ADAT2: variants seen among roughly 807,000 people sequenced by gnomAD.
ADAT2 encodes the protein tRNA-specific adenosine-34 deaminase catalytic subunit ADAT2.
A neutral mutation model predicts 25.9 loss-of-function variants in ADAT2; 26 were observed. That is an observed-to-expected ratio of 1.00 (90% CI 0.74 to 1.39). The LOEUF (loss-of-function observed/expected upper bound fraction) is 1.39, where lower values mean the gene tolerates loss of function less well. Ranked by LOEUF, ADAT2 falls within the 40% of genes most tolerant of loss-of-function variation. The pLI is 0.00. For synonymous variants in ADAT2, 76 were observed against 86.8 expected, an observed-to-expected ratio of 0.88 and a Z score of 0.69; for missense variants, 220 against 244.8, an observed-to-expected ratio of 0.90 and a Z score of 0.68.
At chr6:143,448,010 A>G (rs1285661059) in intron 1 of ADAT2, among the ~76,000 whole-genome samples, 6 of 152,228 alleles carry the variant, frequency 3.9e-5, no homozygotes, top group Non-Finnish European at 8.8e-5. Flanking sequence ...ATGTCCATCA[A>G]TTATAGACTG....
rs1360264162 is a variant in ADAT2 at position 143,427,338 on chromosome 6, T to C, written c.*1125A>G. ...AATGAATCTACTGAAGAAATGCAAC[T>C]GAGGAGCAGCAGCCCCTCCAGGGCC... is the stretch of plus-strand genomic sequence containing the variant. On this transcript the variant is annotated 3_prime_UTR_variant, in exon 6 of 6. Transcript: ENST00000237283. 1 of 152,590 alleles carries C rather than the reference T, an allele frequency of 6.6e-6. No homozygotes were observed. Among genetic ancestry groups the C allele is most frequent in the Admixed American group, 6.5e-5 (1 of 15,280 alleles). The allele number at this position is 152,590 out of a possible 1,614,324, so 9.5% of individuals were successfully genotyped here.
At chr6:143,447,912 T>G (rs1236449115) in intron 1 of ADAT2, among the ~76,000 whole-genome samples, 1 of 152,158 alleles carries the variant, frequency 6.6e-6, no homozygotes, top group Non-Finnish European at 1.5e-5. Flanking sequence ...ACCCAAAGGA[T>G]TATAAATCAT....
rs1448195990 is a variant in ADAT2, at chr6:143,437,365, TAA to T, written c.201+1223_201+1224del. The stretch of plus-strand genomic sequence containing the variant: ...AATTGCTTTTTTCTTCTGTTAAAGT[TAA>T]GTTAGATCATCTTCATGTAGCCTTA... On this transcript the variant is annotated intron_variant, in intron 2 of 5. Transcript: ENST00000237283. The surrounding 1 kb of genome is among the most constrained non-coding windows in gnomAD (Gnocchi z 4.1). Among the ~76,000 whole-genome samples, 2 of 152,220 alleles carry T rather than the reference TAA, an allele frequency of 1.3e-5. No individual in the cohort carries two copies. Among genetic ancestry groups the T allele is most frequent in the African/African-American group, 4.8e-5 (2 of 41,478 alleles).
At chr6:143,429,464 T>TATC (rs138275915) in intron 4 of ADAT2, among the ~76,000 whole-genome samples, 42,522 of 151,964 alleles carry the variant, frequency 0.28, 6,169 homozygotes, top group Admixed American at 0.32. Flanking sequence ...TAAGGAGTGT[T>TATC]ATATGAAATA....
rs926723473 is a variant in ADAT2, at chr6:143,434,054, T to G, written c.202-73A>C. ...TACTATTTTACAAATATACAAAAACTAAGTACAAAATATGCGCCTATCCTT... is the reference window on the plus strand; with the variant it reads ...TACTATTTTACAAATATACAAAAACGAAGTACAAAATATGCGCCTATCCTT... On this transcript the variant is annotated intron_variant, in intron 2 of 5. Coordinates refer to ENST00000237283, the MANE Select transcript of ADAT2 (RefSeq NM_182503.3). The surrounding 1 kb of genome is among the most constrained non-coding windows in gnomAD (Gnocchi z 4.5). The G allele has an allele frequency of 2.5e-6, 4 of 1,571,286 alleles. No individual in the cohort carries two copies. In the Admixed American group the frequency reaches 6.9e-5, roughly 27 times the overall value.
In ADAT2 at chr6:143,432,761, C is replaced by G. The variant is rs149054173; in HGVS notation, c.353-150G>C. ...CTTAGGATTCGTCTTATAAACCATACAATCCAGCTACACAGAAGAAAAGGG... is the reference window on the plus strand; with the variant it reads ...CTTAGGATTCGTCTTATAAACCATAGAATCCAGCTACACAGAAGAAAAGGG... On this transcript the variant is annotated intron_variant, in intron 3 of 5. Transcript: ENST00000237283. The surrounding 1 kb of genome is among the most constrained non-coding windows in gnomAD (Gnocchi z 4.4). 1 of 716,152 alleles carries G rather than the reference C, an allele frequency of 1.4e-6. No individual in the cohort carries two copies. Among genetic ancestry groups the G allele is most frequent in the Non-Finnish European group, 2.4e-6 (1 of 420,288 alleles). The allele number at this position is 716,152 out of a possible 1,614,324, so 44.4% of individuals were successfully genotyped here. A position where few individuals can be genotyped will look rare whatever the true frequency, so the allele number is the denominator to read the frequency against.
At chr6:143,435,349 A>G (rs1779240959) in intron 2 of ADAT2, among the ~76,000 whole-genome samples, 1 of 152,038 alleles carries the variant, frequency 6.6e-6, no homozygotes, top group Non-Finnish European at 1.5e-5. Context: ...TACAGCTGGG[A>G]GAGGAGGTGG....
In ADAT2 at chr6:143,427,239, T is replaced by C. The variant is rs536967029; in HGVS notation, c.*1224A>G. On this transcript the variant is annotated 3_prime_UTR_variant, in exon 6 of 6. Transcript: ENST00000237283. ...CACAATTACATTCCAGCCTGTAATG[T>C]AATTCAAAACAAACAAGTCAGAGAC... 1.3e-5 allele frequency: 2 copies of C among 152,638 alleles called. No homozygotes were observed. The highest frequency in any genetic ancestry group is 4.8e-5 in the African/African-American group (2 of 41,440). The allele number at this position is 152,638 out of a possible 1,614,324, so 9.5% of individuals were successfully genotyped here. A position where few individuals can be genotyped will look rare whatever the true frequency, so the allele number is the denominator to read the frequency against.
At chr6:143,431,055 T>A (rs879073431) in intron 4 of ADAT2, among the ~76,000 whole-genome samples, 23 of 151,162 alleles carry the variant, frequency 1.5e-4, no homozygotes, top group Admixed American at 1.3e-3. Context: ...CCCAGACGAA[T>A]TAAAAAAAAA....
At position 143,442,492 on chromosome 6, in the gene ADAT2, C is replaced by G. The variant is rs1779491536; in HGVS notation, c.97-3798G>C. On this transcript the variant is annotated intron_variant, in intron 1 of 5. Coordinates refer to ENST00000237283, the MANE Select transcript of ADAT2 (RefSeq NM_182503.3). This position sits in a 1 kb window ranked among gnomAD's most constrained non-coding sequence, Gnocchi z 4.6. ...AGGCACGCATACACACACACACACA[C>G]ACACACACACACACACACGTACAAA... Among the ~76,000 whole-genome samples, 1 of 151,734 alleles carries G rather than the reference C, an allele frequency of 6.6e-6. No individual in the cohort carries two copies. The highest frequency in any genetic ancestry group is 2.1e-4 in the South Asian group (1 of 4,816).
rs927033254 is a variant in ADAT2, at chr6:143,432,296, T to C, written c.459+209A>G. Among the ~76,000 whole-genome samples, 7 of 152,118 alleles carry C rather than the reference T, an allele frequency of 4.6e-5. No individual in the cohort carries two copies. The highest frequency in any genetic ancestry group is 1.4e-4 in the African/African-American group (6 of 41,406). ...GGACTCTCCTTCAGGAGGGAGTCTG[T>C]TAATGAAGAGAGGTAGGCACTCATC... On this transcript the variant is annotated intron_variant, in intron 4 of 5. Transcript: ENST00000237283. The surrounding 1 kb of genome is among the most constrained non-coding windows in gnomAD (Gnocchi z 4.4).
intron 1 of ADAT2, among the ~76,000 whole-genome samples, chr6:143,445,864 T>A (rs1463017650): frequency 6.6e-6 from 1 of 152,088 alleles, no homozygotes; most frequent in Admixed American, 6.5e-5. Context: ...TTTTCGAATT[T>A]CCCTCAGAGC....
At position 143,444,821 on chromosome 6, in the gene ADAT2, A is replaced by G; in HGVS notation, c.96+5742T>C. 1 of 789,986 alleles carries G rather than the reference A, an allele frequency of 1.3e-6. No homozygotes were observed. 48.9% of individuals were successfully genotyped at this position (789,986 alleles called of 1,614,324 possible). On this transcript the variant is annotated intron_variant, in intron 1 of 5. Coordinates refer to ENST00000237283, the MANE Select transcript of ADAT2 (RefSeq NM_182503.3). The surrounding 1 kb of genome is among the most constrained non-coding windows in gnomAD (Gnocchi z 4.3). ...CTGCCCAGATACAGATAATGAAAGCACCTAGATGGAAGAGACTTCGTAGTT... is the reference window on the plus strand; with the variant it reads ...CTGCCCAGATACAGATAATGAAAGCGCCTAGATGGAAGAGACTTCGTAGTT...
chr6:143,435,550 A>G (rs575328780), intron 2 of ADAT2, among the ~76,000 whole-genome samples: 1 of 152,360 alleles, frequency 6.6e-6, no homozygotes, highest in Admixed American at 6.5e-5. Flanking sequence ...TTAGATGGGT[A>G]TTGTTAGGAC....
In ADAT2 at chr6:143,428,578, A is replaced by T. The variant is rs1219962647; in HGVS notation, c.532+34T>A. The T allele has an allele frequency of 6.2e-7, 1 of 1,612,782 alleles. No individual in the cohort carries two copies. On this transcript the variant is annotated intron_variant, in intron 5 of 5. Transcript: ENST00000237283. This position sits in a 1 kb window ranked among gnomAD's most constrained non-coding sequence, Gnocchi z 5.0. ...TAGCAGATTCTCTTTGTATGGATTT[A>T]AGGGAAGGACATTATCCACAACAGA...
intron 4 of ADAT2, among the ~76,000 whole-genome samples, chr6:143,430,570 ATT>A (rs377184279): frequency 0.28 from 42,545 of 150,220 alleles, 6,189 homozygotes; most frequent in Admixed American, 0.32. Flanking sequence ...ATTCATAATA[ATT>A]TTTTTTTTTG....
rs1420950277 is a variant in ADAT2 at position 143,428,795 on chromosome 6, T to C, written c.460-111A>G. 2 of 1,059,350 alleles carry C rather than the reference T, an allele frequency of 1.9e-6. No individual in the cohort carries two copies. Among genetic ancestry groups the C allele is most frequent in the Non-Finnish European group, 2.7e-6 (2 of 733,006 alleles). The allele number at this position is 1,059,350 out of a possible 1,614,324, so 65.6% of individuals were successfully genotyped here. A position where few individuals can be genotyped will look rare whatever the true frequency, so the allele number is the denominator to read the frequency against. On this transcript the variant is annotated intron_variant, in intron 4 of 5. Coordinates refer to ENST00000237283, the MANE Select transcript of ADAT2 (RefSeq NM_182503.3). The surrounding 1 kb of genome is among the most constrained non-coding windows in gnomAD (Gnocchi z 5.0). ...TATGTAAACAGATTTCAGATGTTAA[T>C]AAACTTTGGGGATATTAGTAACATG...
At chr6:143,430,028 C>A (rs1278112921) in intron 4 of ADAT2, among the ~76,000 whole-genome samples, 3 of 152,216 alleles carry the variant, frequency 2.0e-5, no homozygotes. Flanking sequence ...CAGGTCCCTA[C>A]TGACCAAAAC....
rs998994378 is a variant in ADAT2 at position 143,423,514 on chromosome 6, T to A, written c.*4949A>T. 59 of 152,238 alleles carry A rather than the reference T, an allele frequency of 3.9e-4. No homozygotes were observed. Among genetic ancestry groups the A allele is most frequent in the African/African-American group, 1.4e-3 (57 of 41,470 alleles). 9.4% of individuals were successfully genotyped at this position (152,238 alleles called of 1,614,324 possible). On this transcript the variant is annotated 3_prime_UTR_variant, in exon 6 of 6. Transcript: ENST00000237283. ...CAACATGTTAAAGAAAAATTTATTT[T>A]GACACTTGTTAAGGTAAGGAAGACT...
Sources: gnomAD v4.1 joint callset for allele counts (sites outside exome capture counted in the v4.1 genomes callset) on GRCh38, gnomAD v4.1.1 for gene constraint, Gnocchi (gnomAD v3.1) non-coding constraint, MANE v1.5 for transcripts, NCBI Gene and HGNC (gene_info 2026-07-23, HGNC 2026-07-21) for gene names.